Variants in EDIL3 observed in about 807,000 individuals in gnomAD.
EDIL3 encodes the protein EGF like and discoidin domains 3.
Under a neutral mutation model 67.4 loss-of-function variants are expected in EDIL3, and 37 were observed. The observed-to-expected ratio is 0.55, with a 90% CI of 0.42 to 0.72. EDIL3 has a LOEUF of 0.72. EDIL3 is among the 30% of genes least tolerant of loss of function. The pLI is 0.00. For missense variants in EDIL3, 527 were observed against 586.3 expected, an observed-to-expected ratio of 0.90 and a Z score of 1.04; for synonymous variants, 195 against 196.3, an observed-to-expected ratio of 0.99 and a Z score of 0.05.
chr5:84,314,898 T>G (rs1364146598), intron 1 of EDIL3, among the ~76,000 whole-genome samples: 1 of 152,134 alleles, frequency 6.6e-6, no homozygotes, highest in Admixed American at 6.5e-5. Context: ...CAAAAACTAT[T>G]TAAAATATAA....
At chr5:84,073,706 A>G (rs1388961085) in intron 6 of EDIL3, among the ~76,000 whole-genome samples, 1 of 151,844 alleles carries the variant, frequency 6.6e-6, no homozygotes, top group Non-Finnish European at 1.5e-5. Context: ...GAGGATACAA[A>G]CAAATGGAAG....
At chr5:84,212,028 C>T (rs1245273156) in intron 3 of EDIL3, among the ~76,000 whole-genome samples, 1 of 152,094 alleles carries the variant, frequency 6.6e-6, no homozygotes, top group Non-Finnish European at 1.5e-5. Flanking sequence ...TCTCTCTCTC[C>T]CTTCCTCTCT....
intron 7 of EDIL3, among the ~76,000 whole-genome samples, chr5:84,065,795 A>G (rs184763000): frequency 2.9e-3 from 436 of 152,250 alleles, no homozygotes; most frequent in Non-Finnish European, 2.3e-3. Flanking sequence ...AATAGTTTTC[A>G]TTAATATAAT....
At chr5:83,998,032 T>TA (rs1403213867) in intron 9 of EDIL3, among the ~76,000 whole-genome samples, 4 of 152,176 alleles carry the variant, frequency 2.6e-5, no homozygotes, top group Non-Finnish European at 2.9e-5. Flanking sequence ...TCTGGGATCC[T>TA]AAAAAAACTT....
chr5:84,285,388 C>A (rs915075735), intron 1 of EDIL3, among the ~76,000 whole-genome samples: 12 of 152,172 alleles, frequency 7.9e-5, no homozygotes, highest in Admixed American at 5.2e-4. Context: ...ATTTGCTAAT[C>A]TGAAGCCAGT....
chr5:84,138,461 C>G (rs1748131199), intron 4 of EDIL3, among the ~76,000 whole-genome samples: 1 of 152,124 alleles, frequency 6.6e-6, no homozygotes, highest in Non-Finnish European at 1.5e-5. Flanking sequence ...TCTACCAAAA[C>G]AATAGAAATA....
intron 8 of EDIL3, 111 bp from the exon 9 acceptor site, chr5:84,060,595 C>A: frequency 1.7e-6 from 2 of 1,176,262 alleles, no homozygotes; most frequent in Non-Finnish European, 1.2e-6. Flanking sequence ...ATTCATTCCT[C>A]CAAAGAGAAA....
chr5:84,365,237 G>A (rs1747704012), intron 1 of EDIL3, among the ~76,000 whole-genome samples: 1 of 152,050 alleles, frequency 6.6e-6, no homozygotes, highest in Non-Finnish European at 1.5e-5. Flanking sequence ...GAAACAACCA[G>A]CCATGAACTA....
chr5:84,357,625 A>C (rs1235757729), intron 1 of EDIL3, among the ~76,000 whole-genome samples: 1 of 152,146 alleles, frequency 6.6e-6, no homozygotes, highest in Non-Finnish European at 1.5e-5. Flanking sequence ...GCAGTGGCTC[A>C]CGCCTGTAAT....
chr5:84,339,094 C>T (rs561640401), intron 1 of EDIL3, among the ~76,000 whole-genome samples: 17 of 152,156 alleles, frequency 1.1e-4, no homozygotes, highest in African/African-American at 2.2e-4. Flanking sequence ...CTTTTCTATA[C>T]GTACCAGATG....
chr5:84,269,927 G>T (rs925846601), intron 1 of EDIL3, among the ~76,000 whole-genome samples: 1 of 152,136 alleles, frequency 6.6e-6, no homozygotes, highest in African/African-American at 2.4e-5. Context: ...TAAAGATGGG[G>T]TCACTAAACA....
rs148408725 is a variant in EDIL3 at position 84,316,942 on chromosome 5, C to G, written c.68-62730G>C. Among the ~76,000 whole-genome samples, 85 of 152,246 alleles carry G rather than the reference C, an allele frequency of 5.6e-4. No individual in the cohort carries two copies. In the South Asian group the frequency reaches 7.9e-3, roughly 14 times the overall value. The stretch of plus-strand genomic sequence containing the variant: ...ACCACAGTACAATCAAACTAGAACT[C>G]AGGATTAAGAAACTCACTCAAAACC... On this transcript the variant is annotated intron_variant, in intron 1 of 10. Coordinates refer to ENST00000296591, the MANE Select transcript of EDIL3 (RefSeq NM_005711.5).
At chr5:84,022,318 T>G (rs995308661) in intron 9 of EDIL3, among the ~76,000 whole-genome samples, 8 of 151,890 alleles carry the variant, frequency 5.3e-5, no homozygotes, top group African/African-American at 1.9e-4. Context: ...ACAAAAACCA[T>G]ATGATAATCT....
At chr5:84,300,295 T>G (rs1746131228) in intron 1 of EDIL3, among the ~76,000 whole-genome samples, 1 of 152,160 alleles carries the variant, frequency 6.6e-6, no homozygotes, top group African/African-American at 2.4e-5. Flanking sequence ...TGAATTCAGG[T>G]GGGAATGGTT....
intron 3 of EDIL3, among the ~76,000 whole-genome samples, chr5:84,206,467 T>C (rs1743981679): frequency 6.6e-6 from 1 of 152,082 alleles, no homozygotes; most frequent in Non-Finnish European, 1.5e-5. Flanking sequence ...CTGGGTATCC[T>C]TAAGGAGGAA....
chr5:84,245,809 T>C (rs1531256), intron 2 of EDIL3, among the ~76,000 whole-genome samples: 102,932 of 151,168 alleles, frequency 0.68, 35,271 homozygotes, highest in East Asian at 0.95. Context: ...TAGAATTATA[T>C]ATTTTGGCTG....
At chr5:84,367,494 A>G (rs1179339835) in intron 1 of EDIL3, among the ~76,000 whole-genome samples, 1 of 152,168 alleles carries the variant, frequency 6.6e-6, no homozygotes, top group Non-Finnish European at 1.5e-5. Flanking sequence ...ATAAAAAGGG[A>G]ATCTGAGCTA....
At chr5:84,024,052 A>G (rs556832187) in intron 9 of EDIL3, among the ~76,000 whole-genome samples, 1 of 152,176 alleles carries the variant, frequency 6.6e-6, no homozygotes, top group African/African-American at 2.4e-5. Flanking sequence ...TCTAGGATTT[A>G]GAGATTATTT....
chr5:84,218,731 C>T (rs919561188), intron 3 of EDIL3, among the ~76,000 whole-genome samples: 4 of 152,190 alleles, frequency 2.6e-5, no homozygotes, highest in African/African-American at 7.2e-5. Flanking sequence ...AAGTTGATGA[C>T]TCAAGGGCCC....
Sources: gnomAD v4.1 joint callset for allele counts (sites outside exome capture counted in the v4.1 genomes callset) on GRCh38, gnomAD v4.1.1 for gene constraint, MANE v1.5 for transcripts, NCBI Gene and HGNC (gene_info 2026-07-23, HGNC 2026-07-21) for gene names.